TENM3: variants seen among roughly 807,000 people sequenced by gnomAD.
TENM3 encodes the protein teneurin transmembrane protein 3, also known as teneurin-3.
Under a neutral mutation model 255.1 loss-of-function variants are expected in TENM3, and 63 were observed. The observed-to-expected ratio is 0.25, with a 90% CI of 0.20 to 0.30. The LOEUF (loss-of-function observed/expected upper bound fraction) is 0.30, where lower values mean the gene tolerates loss of function less well. TENM3 is among the 10% of genes least tolerant of loss of function. TENM3 has a pLI of 1.00. For synonymous variants in TENM3, 1,306 were observed against 1,322.3 expected (o/e 0.99, Z 0.27); for missense variants, 2,929 against 3,461.1 (o/e 0.85, Z 3.86).
At chr4:182,290,237 G>A (rs1017764583) in intron 1 of TENM3, among the ~76,000 whole-genome samples, 1 of 152,154 alleles carries the variant, frequency 6.6e-6, no homozygotes, top group Non-Finnish European at 1.5e-5. Context: ...AGTGATGAGT[G>A]AACGAATGAA....
At chr4:182,752,072 T>TAA (rs1762412972) in intron 20 of TENM3, 40 bp downstream of exon 20, 2 of 1,037,896 alleles carry the variant, frequency 1.9e-6, no homozygotes, top group Non-Finnish European at 2.6e-6. Flanking sequence ...TTTTTATTTA[T>TAA]TAAAAAAAAA....
At chr4:181,833,007 T>C in the TENM3 span, among the ~76,000 whole-genome samples, 1 of 152,068 alleles carries the variant, frequency 6.6e-6, no homozygotes, top group South Asian at 2.1e-4. Flanking sequence ...CAAAAAATAA[T>C]TGAGAAACAC....
At chr4:181,544,489 T>C in the TENM3 span, among the ~76,000 whole-genome samples, 1 of 141,674 alleles carries the variant, frequency 7.1e-6, no homozygotes, top group Non-Finnish European at 1.5e-5. Flanking sequence ...AAAACTCACA[T>C]TGGCAATTCT....
intron 3 of TENM3, among the ~76,000 whole-genome samples, chr4:182,486,350 G>A (rs1369044367): frequency 1.3e-5 from 2 of 151,564 alleles, no homozygotes; most frequent in Non-Finnish European, 2.9e-5. Flanking sequence ...ATCCCTATGG[G>A]AAATATGAGC....
chr4:182,396,575 G>A (rs1296118169), intron 3 of TENM3, among the ~76,000 whole-genome samples: 1 of 152,174 alleles, frequency 6.6e-6, no homozygotes, highest in East Asian at 1.9e-4. Context: ...TGAGGTGGAA[G>A]TCTTTTACTT....
chr4:181,731,199 A>G, the TENM3 span, among the ~76,000 whole-genome samples: 1 of 152,230 alleles, frequency 6.6e-6, no homozygotes, highest in Non-Finnish European at 1.5e-5. Context: ...TAATACTTTT[A>G]AAGTTCTGCA....
chr4:182,351,725 G>A (rs1178073836), intron 3 of TENM3, among the ~76,000 whole-genome samples: 2 of 152,150 alleles, frequency 1.3e-5, no homozygotes, highest in African/African-American at 4.8e-5. Context: ...CGAATGTGAT[G>A]CCCGGAGGCG....
In TENM3 at chr4:182,420,689, G is replaced by C. The variant is rs557371691; in HGVS notation, c.511+73760G>C. On this transcript the variant is annotated intron_variant, in intron 3 of 27. Transcript: ENST00000511685. ...GGGGCAGAATCCTGTGGATATGATT[G>C]TACACTCTTAGCATTGACATGAGGA... Among the ~76,000 whole-genome samples, 7 of 152,282 alleles carry C rather than the reference G, an allele frequency of 4.6e-5. No individual in the cohort carries two copies. The South Asian group carries it at 1.5e-3, about 32-fold the overall frequency.
At chr4:181,466,561 T>C in the TENM3 span, among the ~76,000 whole-genome samples, 1 of 152,120 alleles carries the variant, frequency 6.6e-6, no homozygotes, top group Non-Finnish European at 1.5e-5. Flanking sequence ...TATAAGAAAC[T>C]CCCTGGAAGG....
At chr4:182,036,336 G>A in the TENM3 span, among the ~76,000 whole-genome samples, 48 of 152,078 alleles carry the variant, frequency 3.2e-4, no homozygotes, top group African/African-American at 6.0e-4. Context: ...GATTACAGGC[G>A]CCCGCCACCA....
At chr4:181,543,756 G>C in the TENM3 span, among the ~76,000 whole-genome samples, 1 of 152,086 alleles carries the variant, frequency 6.6e-6, no homozygotes, top group African/African-American at 2.4e-5. Context: ...TTAGTGTTTC[G>C]TATTAGGCTG....
At chr4:182,243,576 T>C (rs1248054699) in intron 1 of TENM3, 100 bp downstream of exon 1, 2 of 151,926 alleles carry the variant, frequency 1.3e-5, no homozygotes, top group East Asian at 1.9e-4. Flanking sequence ...TATCGAGGTA[T>C]TGGAAACTGG....
the TENM3 span, among the ~76,000 whole-genome samples, chr4:181,831,054 A>C: frequency 6.6e-6 from 1 of 152,126 alleles, no homozygotes; most frequent in South Asian, 2.1e-4. Flanking sequence ...CCCCCAAAAA[A>C]CTGGTTTTTC....
chr4:181,723,377 A>C, the TENM3 span, among the ~76,000 whole-genome samples: 4 of 150,494 alleles, frequency 2.7e-5, no homozygotes, highest in African/African-American at 9.8e-5. Flanking sequence ...CTTGGAGTCC[A>C]TTTCTTCATT....
chr4:181,462,307 C>T, the TENM3 span, among the ~76,000 whole-genome samples: 21 of 152,034 alleles, frequency 1.4e-4, 1 homozygote, highest in Admixed American at 1.4e-3. Flanking sequence ...ACCCATTTGC[C>T]GACCTCCAGA....
At chr4:181,793,362 G>A in the TENM3 span, among the ~76,000 whole-genome samples, 35,796 of 152,116 alleles carry the variant, frequency 0.24, 4,522 homozygotes, top group South Asian at 0.3. Context: ...CCACAAACTC[G>A]CTGAGCCCAC....
chr4:182,041,980 A>G, the TENM3 span, among the ~76,000 whole-genome samples: 1 of 152,200 alleles, frequency 6.6e-6, no homozygotes, highest in Non-Finnish European at 1.5e-5. Context: ...ATGAATGAGG[A>G]CATTCGAAAG....
At chr4:181,480,992 G>A in the TENM3 span, among the ~76,000 whole-genome samples, 61 of 151,456 alleles carry the variant, frequency 4.0e-4, 1 homozygote, top group South Asian at 0.011. Context: ...CTCATACAGC[G>A]ATTGACATTC....
At chr4:181,501,717 A>G in the TENM3 span, among the ~76,000 whole-genome samples, 1 of 152,214 alleles carries the variant, frequency 6.6e-6, no homozygotes, top group Non-Finnish European at 1.5e-5. Flanking sequence ...AGTCATGTCC[A>G]TAAATATCTC....
Sources: gnomAD v4.1 joint callset for allele counts (sites outside exome capture counted in the v4.1 genomes callset) on GRCh38, gnomAD v4.1.1 for gene constraint, MANE v1.5 for transcripts, NCBI Gene and HGNC (gene_info 2026-07-23, HGNC 2026-07-21) for gene names.